Variants in SH3BP4 observed in about 807,000 individuals in gnomAD.
SH3BP4 encodes SH3 domain binding protein 4.
Under a neutral mutation model 65.5 loss-of-function variants are expected in SH3BP4, and 33 were observed. The ratio of observed to expected loss-of-function variants is 0.50; its 90% confidence interval spans 0.38 to 0.67. The LOEUF (loss-of-function observed/expected upper bound fraction) is 0.67, where lower values mean the gene tolerates loss of function less well. Ranked by LOEUF, SH3BP4 falls within the 30% of genes least tolerant of loss-of-function variation. SH3BP4 has a pLI of 0.00. For synonymous variants in SH3BP4, 552 were observed against 545.5 expected, an observed-to-expected ratio of 1.01 and a Z score of -0.17; for missense variants, 1,134 against 1,261.4, an observed-to-expected ratio of 0.90 and a Z score of 1.53.
Position 235,030,984 on chromosome 2 carries a change from C to A in SH3BP4, c.-132-3887C>A, listed in dbSNP as rs1695167195. Among the ~76,000 whole-genome samples the A allele has an allele frequency of 6.6e-6, 1 of 152,156 alleles. No individual in the cohort carries two copies. The highest frequency in any genetic ancestry group is 1.5e-5 in the Non-Finnish European group (1 of 68,002). On this transcript the variant is annotated intron_variant, in intron 2 of 5. Coordinates refer to ENST00000392011, the MANE Select transcript of SH3BP4 (RefSeq NM_014521.3). The surrounding 1 kb of genome is among the most constrained non-coding windows in gnomAD (Gnocchi z 4.1). ...TCTGGATGGGTGTTACAGCTACACT[C>A]AAGGATGGCCTCCCTCTGGCCCTGG... is the stretch of plus-strand genomic sequence containing the variant.
intron 1 of SH3BP4, chr2:234,979,507 C>T (rs1158076926): frequency 6.6e-6 from 1 of 152,248 alleles, no homozygotes; most frequent in Admixed American, 6.5e-5. Context: ...CAGTGATCCA[C>T]ACCTCCTGGT....
At position 235,041,855 on chromosome 2, in the gene SH3BP4, C is replaced by G. The variant is rs766937727; in HGVS notation, c.1086C>G (p.Pro362=). The G allele has an allele frequency of 3.1e-6, 5 of 1,608,522 alleles. No homozygotes were observed. The South Asian group carries it at 5.5e-5, about 18-fold the overall frequency. Reference sequence around the variant, plus strand: ...TCTCCATGAAAGCCCTGCTGGACCCCCCGCTGGAGCTCAACAGTGACAGGT... The same window carrying G: ...TCTCCATGAAAGCCCTGCTGGACCCGCCGCTGGAGCTCAACAGTGACAGGT... ...QQISMKALLD[P]PLELNSDRSC... Residue 362 remains proline (P), a synonymous_variant, in exon 4 of 6, where the codon CCC becomes CCG. Transcript: ENST00000392011. This position sits in a 1 kb window ranked among gnomAD's most constrained non-coding sequence, Gnocchi z 6.0.
At position 234,985,594 on chromosome 2, in the gene SH3BP4, A is replaced by G. The variant is rs141194550; in HGVS notation, c.-206-9709A>G. ...GTGCAGGCATTTTGACTCTCCGCGC[A>G]CAGGTATTTTTGACCCTCTGCGCAC... On this transcript the variant is annotated intron_variant, in intron 1 of 5. Coordinates refer to ENST00000392011, the MANE Select transcript of SH3BP4 (RefSeq NM_014521.3). Among the ~76,000 whole-genome samples the G allele has an allele frequency of 8.8e-3, 1,333 of 151,830 alleles. 10 individuals are homozygous for G. The highest frequency in any genetic ancestry group is 0.015 in the Non-Finnish European group (1,019 of 67,946).
At chr2:235,006,680 G>A (rs76326064) in intron 2 of SH3BP4, among the ~76,000 whole-genome samples, 6,821 of 152,222 alleles carry the variant, frequency 0.045, 729 homozygotes, top group East Asian at 0.44. Flanking sequence ...TGGGCTCTCC[G>A]ATGAGACTGG....
rs761568575 is a variant in SH3BP4 at position 234,967,151 on chromosome 2, TG to T, written c.-207+14984del. Among the ~76,000 whole-genome samples, 2 of 152,146 alleles carry T rather than the reference TG, an allele frequency of 1.3e-5. No individual in the cohort carries two copies. The highest frequency in any genetic ancestry group is 2.4e-5 in the African/African-American group (1 of 41,414). Reference sequence around the variant, plus strand: ...ATGGGGTTTAGGGACTTGTGTGAGCTGGGAAGTGCAGAAGCCAGGAGTTAAG... The same window carrying T: ...ATGGGGTTTAGGGACTTGTGTGAGCTGGAAGTGCAGAAGCCAGGAGTTAAG... On this transcript the variant is annotated intron_variant, in intron 1 of 5. Coordinates refer to ENST00000392011, the MANE Select transcript of SH3BP4 (RefSeq NM_014521.3). This position sits in a 1 kb window ranked among gnomAD's most constrained non-coding sequence, Gnocchi z 4.6.
At chr2:235,028,169 G>A (rs1278320354) in intron 2 of SH3BP4, among the ~76,000 whole-genome samples, 2 of 152,188 alleles carry the variant, frequency 1.3e-5, no homozygotes, top group Non-Finnish European at 2.9e-5. Context: ...GCTCAAATGC[G>A]CCTTCCTGTC....
At chr2:234,960,493 G>T (rs2106240122) in intron 1 of SH3BP4, among the ~76,000 whole-genome samples, 1 of 152,326 alleles carries the variant, frequency 6.6e-6, no homozygotes, top group African/African-American at 2.4e-5. Context: ...CTGACTCTGG[G>T]TGACATCAGG....
chr2:234,993,973 T>C (rs1166315919), intron 1 of SH3BP4, among the ~76,000 whole-genome samples: 1 of 152,224 alleles, frequency 6.6e-6, no homozygotes, highest in Non-Finnish European at 1.5e-5. Context: ...TTTGTGCATA[T>C]ATTTTGTCAC....
Position 234,952,835 on chromosome 2 carries a change from C to G in SH3BP4, c.-207+665C>G, listed in dbSNP as rs1692504581. 1 of 152,176 alleles carries G rather than the reference C, an allele frequency of 6.6e-6. No individual in the cohort carries two copies. The highest frequency in any genetic ancestry group is 1.5e-5 in the Non-Finnish European group (1 of 68,034). The allele number at this position is 152,176 out of a possible 1,614,324, so 9.4% of individuals were successfully genotyped here. Reference sequence around the variant, plus strand: ...GCGGGGACCGGCTGGGATAGAGGCGCGTTGTTCTCTGAGCGATGTTTACCG... The same window carrying G: ...GCGGGGACCGGCTGGGATAGAGGCGGGTTGTTCTCTGAGCGATGTTTACCG... On this transcript the variant is annotated intron_variant, in intron 1 of 5. Transcript: ENST00000392011. The surrounding 1 kb of genome is among the most constrained non-coding windows in gnomAD (Gnocchi z 6.5).
chr2:235,038,305 A>AG (rs1553567352), intron 3 of SH3BP4, among the ~76,000 whole-genome samples: 14 of 15,540 alleles, frequency 9.0e-4, no homozygotes, highest in Admixed American at 2.1e-3. Flanking sequence ...TATATTATAT[A>AG]TATATATTAT....
rs1693242025 is a variant in SH3BP4 at position 234,978,467 on chromosome 2, A to G, written c.-206-16836A>G. The stretch of plus-strand genomic sequence containing the variant: ...GCGCCCCACACTGCCCCAAGGCCCC[A>G]CTGGTCATCCGTCCAGCACTCTGTG... On this transcript the variant is annotated intron_variant, in intron 1 of 5. Transcript: ENST00000392011. This position sits in a 1 kb window ranked among gnomAD's most constrained non-coding sequence, Gnocchi z 4.1. Among the ~76,000 whole-genome samples, 1 of 152,138 alleles carries G rather than the reference A, an allele frequency of 6.6e-6. No homozygotes were observed. Among genetic ancestry groups the G allele is most frequent in the African/African-American group, 2.4e-5 (1 of 41,418 alleles).
chr2:234,978,303 A>G lies in SH3BP4; in HGVS notation c.-206-17000A>G, dbSNP rs777447321. On this transcript the variant is annotated intron_variant, in intron 1 of 5. Coordinates refer to ENST00000392011, the MANE Select transcript of SH3BP4 (RefSeq NM_014521.3). This position sits in a 1 kb window ranked among gnomAD's most constrained non-coding sequence, Gnocchi z 4.1. ...CTCACTGCACCTGGAGAAGAGCTTC[A>G]TTCATTAATTCATCCATTCATTCAT... is the stretch of plus-strand genomic sequence containing the variant. 1.8e-4 allele frequency among the ~76,000 whole-genome samples: 28 copies of G among 152,236 alleles called. No individual in the cohort carries two copies. Among genetic ancestry groups the G allele is most frequent in the Non-Finnish European group, 3.2e-4 (22 of 68,044 alleles).
At chr2:234,968,923 A>C (rs28645594) in intron 1 of SH3BP4, among the ~76,000 whole-genome samples, 2 of 152,112 alleles carry the variant, frequency 1.3e-5, no homozygotes, top group African/African-American at 4.8e-5. Context: ...TCTTTCTGCC[A>C]GTTTTCATAT....
intron 1 of SH3BP4, among the ~76,000 whole-genome samples, chr2:234,965,915 A>G (rs1016384389): frequency 2.0e-5 from 3 of 152,226 alleles, no homozygotes; most frequent in African/African-American, 7.2e-5. Context: ...GGATTTGCAA[A>G]TAGGCAATGC....
Position 235,033,506 on chromosome 2 carries a change from C to T in SH3BP4, c.-132-1365C>T, listed in dbSNP as rs898524405. 4.6e-5 allele frequency among the ~76,000 whole-genome samples: 7 copies of T among 152,352 alleles called. No individual in the cohort carries two copies. The highest frequency in any genetic ancestry group is 7.2e-5 in the African/African-American group (3 of 41,574). ...TAACACATGCCTTCTCTCCAGACAG[C>T]GTTCAGGTGCAGAATGCAGCCTTCT... On this transcript the variant is annotated intron_variant, in intron 2 of 5. Coordinates refer to ENST00000392011, the MANE Select transcript of SH3BP4 (RefSeq NM_014521.3). The surrounding 1 kb of genome is among the most constrained non-coding windows in gnomAD (Gnocchi z 5.7).
chr2:234,983,426 A>G (rs1483197568), intron 1 of SH3BP4: 2 of 152,300 alleles, frequency 1.3e-5, no homozygotes, highest in Admixed American at 6.5e-5. Context: ...AAAGGAGAGA[A>G]GTAAATGACA....
At position 235,053,756 on chromosome 2, in the gene SH3BP4, C is replaced by A. The variant is rs1267066505; in HGVS notation, c.2832C>A (p.Ser944=). Residue 944 remains serine (S), a synonymous_variant, in exon 6 of 6, where the codon TCC becomes TCA. Coordinates refer to ENST00000392011, the MANE Select transcript of SH3BP4 (RefSeq NM_014521.3). ...CTGGGACTCTGATCTTGGTGAACTC[C>A]CTGGACGTTCTGAGAGCAGCCGCCT... ...HLTGTLILVN[S]LDVLRAAAFS... 1.2e-6 allele frequency: 2 copies of A among 1,614,100 alleles called. No homozygotes were observed. Among genetic ancestry groups the A allele is most frequent in the Non-Finnish European group, 1.7e-6 (2 of 1,180,054 alleles).
intron 2 of SH3BP4, among the ~76,000 whole-genome samples, chr2:235,016,251 A>G (rs1694681770): frequency 6.6e-6 from 1 of 151,980 alleles, no homozygotes; most frequent in Non-Finnish European, 1.5e-5. Flanking sequence ...GGCCAAAAAC[A>G]CGAGGCACAT....
At chr2:234,979,080 C>T (rs1693268753) in intron 1 of SH3BP4, 5 of 152,236 alleles carry the variant, frequency 3.3e-5, no homozygotes, top group African/African-American at 9.6e-5. Context: ...CCCCTGTCCT[C>T]ACTGTTCTGT....
Sources: gnomAD v4.1 joint callset for allele counts (sites outside exome capture counted in the v4.1 genomes callset) on GRCh38, gnomAD v4.1.1 for gene constraint, Gnocchi (gnomAD v3.1) non-coding constraint, MANE v1.5 for transcripts, NCBI Gene and HGNC (gene_info 2026-07-23, HGNC 2026-07-21) for gene names.